PPP1R14C: variants seen among roughly 807,000 people sequenced by gnomAD.
The protein encoded by PPP1R14C is protein phosphatase 1 regulatory subunit 14C.
Under a neutral mutation model 20.4 loss-of-function variants are expected in PPP1R14C, and 16 were observed. That is an observed-to-expected ratio of 0.78 (90% CI 0.53 to 1.19). The LOEUF (loss-of-function observed/expected upper bound fraction) is 1.19. Ranked by LOEUF, PPP1R14C falls within the 50% of genes most tolerant of loss-of-function variation. The pLI is 0.00. For missense variants in PPP1R14C, 211 were observed against 220.1 expected (o/e 0.96, Z 0.26); for synonymous variants, 91 against 91.0 (o/e 1.00, Z 0.00).
intron 3 of PPP1R14C, among the ~76,000 whole-genome samples, chr6:150,234,575 C>A (rs1465370741): frequency 5.3e-5 from 8 of 152,080 alleles, no homozygotes; most frequent in Non-Finnish European, 1.2e-4. Flanking sequence ...GCCAGCTGGG[C>A]ATGGTGGCTC....
chr6:150,195,357 G>T (rs4869853), intron 1 of PPP1R14C: 134,310 of 179,944 alleles, frequency 0.75, 51,514 homozygotes, highest in East Asian at 0.99. Flanking sequence ...GGATTGACAT[G>T]TTTTGTTTTT....
At chr6:150,203,425 A>C (rs1319936556) in intron 1 of PPP1R14C, among the ~76,000 whole-genome samples, 1 of 152,184 alleles carries the variant, frequency 6.6e-6, no homozygotes, top group Non-Finnish European at 1.5e-5. Context: ...CTCCAAGTGC[A>C]GTGTGTCTGC....
intron 1 of PPP1R14C, among the ~76,000 whole-genome samples, chr6:150,167,101 T>C (rs1582900070): frequency 1.3e-5 from 2 of 152,204 alleles, no homozygotes; most frequent in East Asian, 3.9e-4. Flanking sequence ...GCGCGGTGGC[T>C]CACGCCTGTA....
At chr6:150,145,520 A>G (rs947172561) in intron 1 of PPP1R14C, among the ~76,000 whole-genome samples, 4 of 151,296 alleles carry the variant, frequency 2.6e-5, no homozygotes, top group Non-Finnish European at 4.4e-5. Context: ...ATTTAATAAT[A>G]AAGAAACATG....
intron 3 of PPP1R14C, among the ~76,000 whole-genome samples, chr6:150,241,695 T>C (rs1778432589): frequency 6.6e-6 from 1 of 152,182 alleles, no homozygotes; most frequent in African/African-American, 2.4e-5. Flanking sequence ...GAGACCAGCC[T>C]AGCCAACATG....
At chr6:150,207,923 T>TAACC (rs1777973980) in intron 1 of PPP1R14C, among the ~76,000 whole-genome samples, 1 of 152,064 alleles carries the variant, frequency 6.6e-6, no homozygotes, top group Non-Finnish European at 1.5e-5. Flanking sequence ...CATATCTGGT[T>TAACC]GGCTTCTGGT....
At position 150,195,756 on chromosome 6, in the gene PPP1R14C, C is replaced by T. The variant is rs1354490333; in HGVS notation, c.307-18988C>T. The T allele has an allele frequency of 5.1e-6, 4 of 782,872 alleles. No individual in the cohort carries two copies. The African/African-American group carries it at 7.5e-5, about 15-fold the overall frequency. 48.5% of individuals were successfully genotyped at this position (782,872 alleles called of 1,614,324 possible). A position where few individuals can be genotyped will look rare whatever the true frequency, so the allele number is the denominator to read the frequency against. ...TACATTTACTATTTTTTTTTGCAAC[C>T]ATCCCCACCATTCATCTCCCGAACT... On this transcript the variant is annotated intron_variant, in intron 1 of 3. Coordinates refer to ENST00000361131, the MANE Select transcript of PPP1R14C (RefSeq NM_030949.3).
chr6:150,182,460 A>T (rs936000064), intron 1 of PPP1R14C, among the ~76,000 whole-genome samples: 38 of 152,298 alleles, frequency 2.5e-4, no homozygotes, highest in African/African-American at 9.1e-4. Context: ...GTATCCTCAC[A>T]TGGAAAGATA....
At chr6:150,159,352 C>T (rs1227911080) in intron 1 of PPP1R14C, among the ~76,000 whole-genome samples, 1 of 152,222 alleles carries the variant, frequency 6.6e-6, no homozygotes, top group Non-Finnish European at 1.5e-5. Flanking sequence ...CGCATTTTGT[C>T]AACTTCTGTG....
At chr6:150,235,587 G>C (rs986098595) in intron 3 of PPP1R14C, among the ~76,000 whole-genome samples, 1 of 152,234 alleles carries the variant, frequency 6.6e-6, no homozygotes, top group Non-Finnish European at 1.5e-5. Flanking sequence ...GGCACTGGAC[G>C]TGCCAATGAG....
At chr6:150,227,049 G>T (rs899996267) in intron 3 of PPP1R14C, among the ~76,000 whole-genome samples, 1 of 152,156 alleles carries the variant, frequency 6.6e-6, no homozygotes, top group Non-Finnish European at 1.5e-5. Context: ...GACTAGCTTT[G>T]GTGATGGCCA....
At chr6:150,222,490 C>T (rs9371831) in intron 3 of PPP1R14C, among the ~76,000 whole-genome samples, 10,230 of 152,122 alleles carry the variant, frequency 0.067, 395 homozygotes, top group East Asian at 0.15. Flanking sequence ...CATTAGGATT[C>T]ACTCTTGGTA....
rs140660445 is a variant in PPP1R14C at position 150,191,129 on chromosome 6, C to T, written c.307-23615C>T. Among the ~76,000 whole-genome samples, 8 of 152,276 alleles carry T rather than the reference C, an allele frequency of 5.3e-5. No individual in the cohort carries two copies. The East Asian group carries it at 5.8e-4, about 11-fold the overall frequency. On this transcript the variant is annotated intron_variant, in intron 1 of 3. Transcript: ENST00000361131. ...AGCTTACTGTTCCCTCTGTCTGGAA[C>T]GTTCTTCTACATGGTTCCCTCCCTC...
intron 1 of PPP1R14C, among the ~76,000 whole-genome samples, chr6:150,153,123 G>A (rs1777269547): frequency 6.6e-6 from 1 of 152,216 alleles, no homozygotes; most frequent in Non-Finnish European, 1.5e-5. Flanking sequence ...CTAGAACTGT[G>A]AGACAGAAAT....
intron 1 of PPP1R14C, chr6:150,194,648 A>T (rs1411644719): frequency 1.0e-6 from 1 of 985,262 alleles, no homozygotes; most frequent in Non-Finnish European, 1.2e-6. Context: ...ACTACTCCTA[A>T]CTCACCTCGC....
rs1271886940 is a variant in PPP1R14C, at chr6:150,172,952, C to T, written c.306+29454C>T. Among the ~76,000 whole-genome samples the T allele has an allele frequency of 3.3e-5, 5 of 152,214 alleles. No homozygotes were observed. The East Asian group carries it at 9.7e-4, about 29-fold the overall frequency. On this transcript the variant is annotated intron_variant, in intron 1 of 3. Coordinates refer to ENST00000361131, the MANE Select transcript of PPP1R14C (RefSeq NM_030949.3). ...TAAGCCACTCAGTCAACTCCCCATC[C>T]ACCTCCAAACTGCTGCTTGCCTGGC... is the stretch of plus-strand genomic sequence containing the variant.
intron 1 of PPP1R14C, among the ~76,000 whole-genome samples, chr6:150,187,351 T>C (rs1777690093): frequency 6.6e-6 from 1 of 151,960 alleles, no homozygotes; most frequent in Non-Finnish European, 1.5e-5. Context: ...TTGTTATATA[T>C]GTAAATTTTT....
At chr6:150,200,974 C>T (rs1050324539) in intron 1 of PPP1R14C, among the ~76,000 whole-genome samples, 3 of 152,110 alleles carry the variant, frequency 2.0e-5, no homozygotes, top group East Asian at 1.9e-4. Context: ...CCAAAAGTCA[C>T]GGAAGTCAAA....
chr6:150,143,088 G>T lies in PPP1R14C; in HGVS notation c.-105G>T. 8.9e-7 allele frequency: 1 copy of T among 1,122,830 alleles called. No homozygotes were observed. The highest frequency in any genetic ancestry group is 1.1e-6 in the Non-Finnish European group (1 of 923,048). The allele number at this position is 1,122,830 out of a possible 1,614,324, so 69.6% of individuals were successfully genotyped here. A position where few individuals can be genotyped will look rare whatever the true frequency, so the allele number is the denominator to read the frequency against. Reference sequence around the variant, plus strand: ...GCGCGCGCGGCGCAGAGCAGGTGCCGGGGAGCCCTTCGCATGCGGCTGCCG... The same window carrying T: ...GCGCGCGCGGCGCAGAGCAGGTGCCTGGGAGCCCTTCGCATGCGGCTGCCG... On this transcript the variant is annotated 5_prime_UTR_variant, in exon 1 of 4. Coordinates refer to ENST00000361131, the MANE Select transcript of PPP1R14C (RefSeq NM_030949.3). The surrounding 1 kb of genome is among the most constrained non-coding windows in gnomAD (Gnocchi z 5.6).
Sources: gnomAD v4.1 joint callset for allele counts (sites outside exome capture counted in the v4.1 genomes callset) on GRCh38, gnomAD v4.1.1 for gene constraint, Gnocchi (gnomAD v3.1) non-coding constraint, MANE v1.5 for transcripts, NCBI Gene and HGNC (gene_info 2026-07-23, HGNC 2026-07-21) for gene names.